Variants in BARX2 observed in about 807,000 individuals in gnomAD.
The protein encoded by BARX2 is BARX homeobox 2.
A neutral mutation model predicts 25.5 loss-of-function variants in BARX2; 11 were observed. The observed-to-expected ratio is 0.43, with a 90% confidence interval of 0.27 to 0.71. BARX2 has a LOEUF of 0.71. BARX2 is among the 30% of genes least tolerant of loss of function. The pLI, the probability that BARX2 is intolerant of heterozygous loss-of-function variation, is 0.19. For synonymous variants in BARX2, 137 were observed against 149.5 expected (o/e 0.92, Z 0.61); for missense variants, 360 against 359.9 (o/e 1.00, Z 0.00).
intron 3 of BARX2, among the ~76,000 whole-genome samples, chr11:129,443,893 C>G (rs913264418): frequency 1.3e-5 from 2 of 152,012 alleles, no homozygotes; most frequent in Non-Finnish European, 1.5e-5. Flanking sequence ...TTCTCTGGAG[C>G]CCAGGTGCCA....
At chr11:129,412,680 C>A (rs1025298200) in intron 1 of BARX2, among the ~76,000 whole-genome samples, 3 of 152,308 alleles carry the variant, frequency 2.0e-5, no homozygotes, top group East Asian at 1.9e-4. Context: ...GGGGTGGTAA[C>A]GTCTAGCTGT....
intron 1 of BARX2, among the ~76,000 whole-genome samples, chr11:129,411,363 T>A (rs11823272): frequency 8.2e-6 from 1 of 122,530 alleles, no homozygotes; most frequent in Non-Finnish European, 1.6e-5. Context: ...AGAGTGAGAC[T>A]CCATCTCCAA....
At chr11:129,398,099 C>T (rs1191071895) in intron 1 of BARX2, among the ~76,000 whole-genome samples, 1 of 152,142 alleles carries the variant, frequency 6.6e-6, no homozygotes, top group Non-Finnish European at 1.5e-5. Flanking sequence ...TAAAATGAAC[C>T]TGTGTAAACT....
At chr11:129,387,586 A>G (rs186936954) in intron 1 of BARX2, among the ~76,000 whole-genome samples, 1 of 152,334 alleles carries the variant, frequency 6.6e-6, no homozygotes, top group Non-Finnish European at 1.5e-5. Flanking sequence ...GGTGTTGTTA[A>G]TATTGTTATC....
intron 1 of BARX2, among the ~76,000 whole-genome samples, chr11:129,415,098 CT>C (rs146088274): frequency 0.15 from 22,773 of 152,042 alleles, 1,911 homozygotes; most frequent in East Asian, 0.36. Flanking sequence ...TGATCCTCTC[CT>C]TTCCCCCCAT....
chr11:129,382,006 C>T (rs974042448), intron 1 of BARX2, among the ~76,000 whole-genome samples: 6 of 152,148 alleles, frequency 3.9e-5, no homozygotes, highest in African/African-American at 1.4e-4. Flanking sequence ...GGTTGAGATC[C>T]AGAGCTTAAG....
At chr11:129,392,516 A>G (rs1684479358) in intron 1 of BARX2, among the ~76,000 whole-genome samples, 1 of 152,200 alleles carries the variant, frequency 6.6e-6, no homozygotes, top group Non-Finnish European at 1.5e-5. Flanking sequence ...AAAAAACAAT[A>G]ATAATAACAA....
At chr11:129,421,562 T>TCACG (rs1213439190) in intron 1 of BARX2, among the ~76,000 whole-genome samples, 1 of 152,188 alleles carries the variant, frequency 6.6e-6, no homozygotes, top group Non-Finnish European at 1.5e-5. Flanking sequence ...TCCATAGAAG[T>TCACG]CATATAACTG....
In BARX2 at chr11:129,387,039, A is replaced by G. The variant is rs535408572; in HGVS notation, c.187+10817A>G. On this transcript the variant is annotated intron_variant, in intron 1 of 3. Coordinates refer to ENST00000281437, the MANE Select transcript of BARX2 (RefSeq NM_003658.5). Reference sequence around the variant, plus strand: ...TGATGGAAAGGATGGTGGCTCTATCAGTTTCATTACCAGGGTTCAGACTTT... The same window carrying G: ...TGATGGAAAGGATGGTGGCTCTATCGGTTTCATTACCAGGGTTCAGACTTT... 2.6e-5 allele frequency among the ~76,000 whole-genome samples: 4 copies of G among 152,328 alleles called. No homozygotes were observed. In the South Asian group the frequency reaches 8.3e-4, roughly 32 times the overall value.
chr11:129,385,476 C>G (rs984897026), intron 1 of BARX2, among the ~76,000 whole-genome samples: 14 of 151,954 alleles, frequency 9.2e-5, no homozygotes, highest in African/African-American at 3.4e-4. Flanking sequence ...AATAAATGAA[C>G]CAGATACACT....
chr11:129,449,221 C>T (rs953500278), intron 3 of BARX2, among the ~76,000 whole-genome samples: 2 of 152,098 alleles, frequency 1.3e-5, no homozygotes, highest in African/African-American at 4.8e-5. Context: ...GAGCTGTATA[C>T]AAAGTAAGTT....
intron 1 of BARX2, among the ~76,000 whole-genome samples, chr11:129,380,698 G>T (rs1454703703): frequency 6.6e-6 from 1 of 152,134 alleles, no homozygotes; most frequent in Non-Finnish European, 1.5e-5. Context: ...GGGATGCACG[G>T]GATCTGGGAC....
At chr11:129,441,537 C>A (rs909542771) in intron 2 of BARX2, among the ~76,000 whole-genome samples, 1 of 152,208 alleles carries the variant, frequency 6.6e-6, no homozygotes, top group Non-Finnish European at 1.5e-5. Flanking sequence ...CAACCTCCGC[C>A]TCCCAGGTTC....
intron 2 of BARX2, chr11:129,437,575 A>T (rs542350770): frequency 1.1e-6 from 1 of 934,756 alleles, no homozygotes; most frequent in South Asian, 4.9e-5. Flanking sequence ...GTCAAGTCAG[A>T]ACCATTTGAC....
intron 1 of BARX2, among the ~76,000 whole-genome samples, chr11:129,415,153 T>C (rs1171151915): frequency 6.6e-6 from 1 of 152,232 alleles, no homozygotes; most frequent in African/African-American, 2.4e-5. Context: ...TTTGGAACTT[T>C]CTCAGTTCAC....
intron 1 of BARX2, among the ~76,000 whole-genome samples, chr11:129,417,390 G>A (rs1861956713): frequency 6.6e-6 from 1 of 152,174 alleles, no homozygotes; most frequent in Non-Finnish European, 1.5e-5. Context: ...GCTCTCAGCT[G>A]TGCGGTGAAG....
chr11:129,392,232 C>T (rs1411499892), intron 1 of BARX2, among the ~76,000 whole-genome samples: 1 of 152,162 alleles, frequency 6.6e-6, no homozygotes, highest in African/African-American at 2.4e-5. Context: ...CCAAGGTAGC[C>T]TTTGAGCTAA....
chr11:129,406,859 CT>C (rs1385999158), intron 1 of BARX2, among the ~76,000 whole-genome samples: 1 of 152,150 alleles, frequency 6.6e-6, no homozygotes, highest in African/African-American at 2.4e-5. Flanking sequence ...AATTAAAGAA[CT>C]GGTTTTATAG....
At chr11:129,431,091 G>A (rs1345697332) in intron 1 of BARX2, among the ~76,000 whole-genome samples, 1 of 152,046 alleles carries the variant, frequency 6.6e-6, no homozygotes, top group Non-Finnish European at 1.5e-5. Context: ...CAAAGTCCTG[G>A]CCTCAAGAGA....
Sources: gnomAD v4.1 joint callset for allele counts (sites outside exome capture counted in the v4.1 genomes callset) on GRCh38, gnomAD v4.1.1 for gene constraint, MANE v1.5 for transcripts, NCBI Gene and HGNC (gene_info 2026-07-23, HGNC 2026-07-21) for gene names.